Variants in CNTN6 observed in about 807,000 individuals in gnomAD.
The protein encoded by CNTN6 is contactin 6.
A neutral mutation model predicts 122.8 loss-of-function variants in CNTN6; 137 were observed. That is an observed-to-expected ratio of 1.12 (90% confidence interval 0.97 to 1.29). CNTN6 has a LOEUF of 1.29. CNTN6 is among the 50% of genes most tolerant of loss of function. The pLI is 0.00. For missense variants in CNTN6, 1,634 were observed against 1,223.4 expected (o/e 1.34, Z -5.01); for synonymous variants, 570 against 426.0 (o/e 1.34, Z -4.16).
At position 1,302,976 on chromosome 3, in the gene CNTN6, G is replaced by A. The variant is rs56218407; in HGVS notation, c.761+4985G>A. 2.8e-3 allele frequency among the ~76,000 whole-genome samples: 430 copies of A among 152,038 alleles called. 8 individuals are homozygous for A. Among genetic ancestry groups the A allele is most frequent in the African/African-American group, 0.01 (415 of 41,490 alleles). On this transcript the variant is annotated intron_variant, in intron 7 of 22. Transcript: ENST00000446702. ...TTTATCTTTGCATCTCAGTTTGGGA[G>A]GTTCTATTGATACTGCTTGTCATTC...
At position 1,337,790 on chromosome 3, in the gene CNTN6, G is replaced by T. The variant is rs985982985; in HGVS notation, c.1364+7855G>T. 2.0e-5 allele frequency among the ~76,000 whole-genome samples: 3 copies of T among 152,114 alleles called. No homozygotes were observed. In the South Asian group the frequency reaches 6.2e-4, roughly 32 times the overall value. ...TTCCAAGGGAATACATGTTGGAGAT[G>T]TCAAGAGCCATCTGATAGTCTTGCC... On this transcript the variant is annotated intron_variant, in intron 11 of 22. Coordinates refer to ENST00000446702, the MANE Select transcript of CNTN6 (RefSeq NM_001289080.2).
At chr3:1,245,313 T>TACACAC (rs553879529) in intron 4 of CNTN6, among the ~76,000 whole-genome samples, 1 of 17,516 alleles carries the variant, frequency 5.7e-5, no homozygotes, top group African/African-American at 2.1e-4. Flanking sequence ...TATATATATA[T>TACACAC]ATATATATAT....
intron 2 of CNTN6, among the ~76,000 whole-genome samples, chr3:1,211,214 G>A (rs1288361043): frequency 6.6e-6 from 1 of 152,208 alleles, no homozygotes; most frequent in Non-Finnish European, 1.5e-5. Flanking sequence ...AAGATCTCAG[G>A]TACTTTATAT....
intron 5 of CNTN6, among the ~76,000 whole-genome samples, chr3:1,289,820 G>A (rs149560770): frequency 0.1 from 15,458 of 151,948 alleles, 2,680 homozygotes; most frequent in African/African-American, 0.35. Context: ...GACTACAGGT[G>A]CCCAACACCA....
chr3:1,378,392 T>G (rs954592080), intron 17 of CNTN6, among the ~76,000 whole-genome samples: 1 of 152,170 alleles, frequency 6.6e-6, no homozygotes, highest in African/African-American at 2.4e-5. Context: ...GAGAGATAAC[T>G]GGGAACCAGA....
chr3:1,290,802 C>G (rs539553588), intron 5 of CNTN6, among the ~76,000 whole-genome samples: 2 of 152,124 alleles, frequency 1.3e-5, no homozygotes, highest in African/African-American at 2.4e-5. Context: ...ATTGTCGTGG[C>G]GCTAATGGGA....
chr3:1,289,821 CCCAA>C (rs1694994889), intron 5 of CNTN6, among the ~76,000 whole-genome samples: 1 of 151,928 alleles, frequency 6.6e-6, no homozygotes, highest in African/African-American at 2.4e-5. Context: ...ACTACAGGTG[CCCAA>C]CACCACGCCC....
chr3:1,392,417 A>G (rs1694300474), intron 20 of CNTN6, among the ~76,000 whole-genome samples: 2 of 152,224 alleles, frequency 1.3e-5, no homozygotes. Flanking sequence ...AAGATGGATT[A>G]AAGACTTAAA....
intron 11 of CNTN6, among the ~76,000 whole-genome samples, chr3:1,347,660 T>A (rs1038887079): frequency 6.6e-6 from 1 of 152,046 alleles, no homozygotes; most frequent in African/African-American, 2.4e-5. Context: ...ACTGGAGTCT[T>A]GGAAGAGAGA....
rs542402997 is a variant in CNTN6 at position 1,311,298 on chromosome 3, C to T, written c.762-10352C>T. 1.4e-3 allele frequency among the ~76,000 whole-genome samples: 194 copies of T among 138,388 alleles called. 4 individuals carry two copies. The highest frequency in any genetic ancestry group is 2.0e-3 in the Admixed American group (27 of 13,798). 90.8% of individuals were successfully genotyped at this position (138,388 alleles called of 152,430 possible). ...ACATACATATTTATATATACATATA[C>T]GTATATGTACATATAAAATGTATAT... On this transcript the variant is annotated intron_variant, in intron 7 of 22. Coordinates refer to ENST00000446702, the MANE Select transcript of CNTN6 (RefSeq NM_001289080.2).
chr3:1,342,476 T>G (rs551637176), intron 11 of CNTN6, among the ~76,000 whole-genome samples: 1 of 152,230 alleles, frequency 6.6e-6, no homozygotes, highest in Non-Finnish European at 1.5e-5. Flanking sequence ...CATAGCAAAT[T>G]GGATTTATTT....
chr3:1,321,837 G>A lies in CNTN6; in HGVS notation c.946+3G>A, dbSNP rs753247872. 2 of 1,592,428 alleles carry A rather than the reference G, an allele frequency of 1.3e-6. No homozygotes were observed. Among genetic ancestry groups the A allele is most frequent in the South Asian group, 1.1e-5 (1 of 88,306 alleles). The stretch of plus-strand genomic sequence containing the variant: ...AAAGGGTCAACTCATTTTTTATGGT[G>A]AGCTAATTGGATTTCAAATATATAT... On this transcript the variant is annotated splice_donor_region_variant and intron_variant, in intron 8 of 22. Transcript: ENST00000446702.
At chr3:1,151,883 A>C (rs373082408) in intron 2 of CNTN6, among the ~76,000 whole-genome samples, 1 of 152,214 alleles carries the variant, frequency 6.6e-6, no homozygotes, top group Non-Finnish European at 1.5e-5. Flanking sequence ...GAATTTTAAG[A>C]AGTCACAATA....
At chr3:1,304,443 T>C (rs1036499951) in intron 7 of CNTN6, among the ~76,000 whole-genome samples, 14 of 152,236 alleles carry the variant, frequency 9.2e-5, no homozygotes, top group Non-Finnish European at 1.9e-4. Flanking sequence ...AGATTCTGAC[T>C]TCAAAACTCA....
chr3:1,162,833 A>G (rs2093166116), intron 2 of CNTN6, among the ~76,000 whole-genome samples: 1 of 152,222 alleles, frequency 6.6e-6, no homozygotes, highest in Non-Finnish European at 1.5e-5. Flanking sequence ...TTTTCTGTTT[A>G]TCATCTAGCT....
intron 11 of CNTN6, among the ~76,000 whole-genome samples, chr3:1,347,360 C>G (rs533443295): frequency 7.9e-5 from 12 of 151,996 alleles, no homozygotes; most frequent in Non-Finnish European, 1.6e-4. Flanking sequence ...GAAAATTTTT[C>G]TATTTAATTG....
chr3:1,117,255 A>T (rs2091760861), intron 1 of CNTN6, among the ~76,000 whole-genome samples: 1 of 152,188 alleles, frequency 6.6e-6, no homozygotes, highest in Admixed American at 6.5e-5. Context: ...TCTGACAAAG[A>T]TTTGGAGTAC....
chr3:1,226,300 A>C (rs1461340722), intron 3 of CNTN6, among the ~76,000 whole-genome samples: 1 of 152,184 alleles, frequency 6.6e-6, no homozygotes, highest in East Asian at 1.9e-4. Flanking sequence ...AACCCTAAAA[A>C]ACACAGTTTG....
chr3:1,204,265 T>A (rs932150789), intron 2 of CNTN6, among the ~76,000 whole-genome samples: 2 of 152,196 alleles, frequency 1.3e-5, no homozygotes, highest in African/African-American at 4.8e-5. Flanking sequence ...TTTACAGCAT[T>A]TCTAGCATCT....
Sources: gnomAD v4.1 joint callset for allele counts (sites outside exome capture counted in the v4.1 genomes callset) on GRCh38, gnomAD v4.1.1 for gene constraint, MANE v1.5 for transcripts, NCBI Gene and HGNC (gene_info 2026-07-23, HGNC 2026-07-21) for gene names.